Variants in NAV3 observed in about 807,000 individuals in gnomAD.
NAV3 encodes the protein neuron navigator 3.
In NAV3, 87 loss-of-function variants were observed where a neutral mutation model predicts 244.7. That is an observed-to-expected ratio of 0.36 (90% CI 0.30 to 0.42). The LOEUF (loss-of-function observed/expected upper bound fraction) is 0.42. NAV3 is among the 20% of genes least tolerant of loss of function. The pLI is 1.00. For synonymous variants in NAV3, 1,126 were observed against 1,042.2 expected, an observed-to-expected ratio of 1.08 and a Z score of -1.55; for missense variants, 2,663 against 2,893.3, an observed-to-expected ratio of 0.92 and a Z score of 1.83.
intron 12 of NAV3, among the ~76,000 whole-genome samples, chr12:78,072,095 A>T (rs1261361478): frequency 2.6e-5 from 4 of 152,064 alleles, no homozygotes; most frequent in African/African-American, 9.7e-5. Context: ...AAAGATCCAA[A>T]ATTGACACCC....
rs1012218305 is a variant in NAV3 at position 78,188,489 on chromosome 12, T to A, written c.5887-120T>A. On this transcript the variant is annotated intron_variant, in intron 32 of 39. Coordinates refer to ENST00000397909, the MANE Select transcript of NAV3 (RefSeq NM_001024383.2). ...GTTTGTGCTATTTGATATTAACAGT[T>A]CTTATATTACCCATTTCTAATATTC... 8.5e-6 allele frequency: 10 copies of A among 1,182,438 alleles called. No homozygotes were observed. In the African/African-American group the frequency reaches 1.4e-4, roughly 16 times the overall value. The allele number at this position is 1,182,438 out of a possible 1,614,324, so 73.2% of individuals were successfully genotyped here. A position where few individuals can be genotyped will look rare whatever the true frequency, so the allele number is the denominator to read the frequency against.
chr12:78,155,756 TTA>T (rs1465533795), intron 22 of NAV3, among the ~76,000 whole-genome samples: 1 of 151,966 alleles, frequency 6.6e-6, no homozygotes, highest in Admixed American at 6.6e-5. Context: ...ACCCTTTTTT[TTA>T]TATGTTTGTT....
At chr12:77,657,270 G>A (rs1320366018) in intron 2 of NAV3, among the ~76,000 whole-genome samples, 4 of 152,004 alleles carry the variant, frequency 2.6e-5, no homozygotes. Context: ...AATGCTAAAG[G>A]GGATATCACC....
At chr12:77,758,140 A>T (rs1869276304) in intron 2 of NAV3, among the ~76,000 whole-genome samples, 1 of 152,104 alleles carries the variant, frequency 6.6e-6, no homozygotes. Context: ...TATTCTGAAT[A>T]AATTGCATTT....
intron 2 of NAV3, among the ~76,000 whole-genome samples, chr12:77,623,581 A>C (rs908694209): frequency 1.3e-5 from 2 of 152,212 alleles, no homozygotes; most frequent in African/African-American, 4.8e-5. Context: ...TAGAGATAAA[A>C]AAATATTCAC....
intron 12 of NAV3, among the ~76,000 whole-genome samples, chr12:78,078,463 T>G (rs1280390887): frequency 6.2e-5 from 8 of 129,978 alleles, no homozygotes; most frequent in African/African-American, 2.3e-4. Flanking sequence ...TGGCGGGATC[T>G]CGGCTCACCG....
intron 2 of NAV3, among the ~76,000 whole-genome samples, chr12:77,596,786 T>G (rs142614029): frequency 6.6e-6 from 1 of 152,090 alleles, no homozygotes; most frequent in African/African-American, 2.4e-5. Context: ...CTTGGGTGAC[T>G]TTTTGCGGGA....
At chr12:77,646,492 A>G (rs1872610643) in intron 2 of NAV3, among the ~76,000 whole-genome samples, 2 of 151,990 alleles carry the variant, frequency 1.3e-5, no homozygotes. Flanking sequence ...CTTAAACCCA[A>G]ATCTCCTGCA....
At chr12:77,810,930 G>A (rs920175734) in intron 2 of NAV3, among the ~76,000 whole-genome samples, 4 of 152,070 alleles carry the variant, frequency 2.6e-5, no homozygotes, top group East Asian at 1.9e-4. Context: ...GTAGGGTGAC[G>A]AAAGCAAAAG....
chr12:77,753,041 T>C lies in NAV3; in HGVS notation c.72+180775T>C, dbSNP rs559144972. Among the ~76,000 whole-genome samples, 8 of 152,348 alleles carry C rather than the reference T, an allele frequency of 5.3e-5. No individual in the cohort carries two copies. In the East Asian group the frequency reaches 1.5e-3, roughly 29 times the overall value. Reference sequence around the variant, plus strand: ...TGAAGGTGCTACTAAACCTCTAAGCTGTGAAACTTCAGTCATATTTTATGA... The same window carrying C: ...TGAAGGTGCTACTAAACCTCTAAGCCGTGAAACTTCAGTCATATTTTATGA... On this transcript the variant is annotated intron_variant, in intron 2 of 8. Transcript: ENST00000550042.
intron 17 of NAV3, among the ~76,000 whole-genome samples, chr12:78,128,352 G>A (rs1264718296): frequency 6.6e-6 from 1 of 150,504 alleles, no homozygotes; most frequent in Non-Finnish European, 1.5e-5. Flanking sequence ...CTTGGCCCTG[G>A]CCCGCCACTG....
chr12:77,939,643 G>A (rs965027169), intron 1 of NAV3, among the ~76,000 whole-genome samples: 3 of 152,116 alleles, frequency 2.0e-5, no homozygotes, highest in African/African-American at 7.2e-5. Flanking sequence ...ATGATCTGCT[G>A]TTGAAGAGAC....
intron 12 of NAV3, among the ~76,000 whole-genome samples, chr12:78,091,116 C>T (rs1953909541): frequency 1.3e-5 from 2 of 151,992 alleles, no homozygotes; most frequent in South Asian, 4.1e-4. Context: ...TTGAAATAGA[C>T]CTGATTGCTA....
chr12:78,204,730 T>G (rs963937828), intron 38 of NAV3, among the ~76,000 whole-genome samples: 1 of 152,134 alleles, frequency 6.6e-6, no homozygotes. Context: ...ATATTCAGCT[T>G]CATTTTGTCT....
intron 2 of NAV3, among the ~76,000 whole-genome samples, chr12:77,784,809 AG>A (rs1870829312): frequency 6.6e-6 from 1 of 152,202 alleles, no homozygotes; most frequent in East Asian, 1.9e-4. Flanking sequence ...CACAGAAAGC[AG>A]GTAGTTATCT....
intron 2 of NAV3, among the ~76,000 whole-genome samples, chr12:77,701,082 G>A (rs753601824): frequency 1.3e-5 from 2 of 151,756 alleles, no homozygotes; most frequent in African/African-American, 2.4e-5. Flanking sequence ...TAAATGAGTT[G>A]GGAGTATTTC....
chr12:77,873,675 A>ATGTG (rs540075634), intron 1 of NAV3, among the ~76,000 whole-genome samples: 736 of 68,528 alleles, frequency 0.011, 16 homozygotes, highest in African/African-American at 0.024. Context: ...CATGATTTGT[A>ATGTG]TGTGTATATA....
At chr12:77,949,978 C>T (rs1016069427) in intron 3 of NAV3, among the ~76,000 whole-genome samples, 12 of 152,070 alleles carry the variant, frequency 7.9e-5, no homozygotes, top group African/African-American at 2.7e-4. Flanking sequence ...TCTTACATGT[C>T]TTTTCATGGC....
At chr12:77,881,372 T>C (rs1882624657) in intron 1 of NAV3, among the ~76,000 whole-genome samples, 2 of 152,136 alleles carry the variant, frequency 1.3e-5, no homozygotes, top group Admixed American at 1.3e-4. Context: ...GCTGAACTTT[T>C]CCTTGAACTG....
Sources: allele counts gnomAD v4.1 joint callset (sites outside exome capture counted in the v4.1 genomes callset), GRCh38; gene constraint gnomAD v4.1.1; transcripts MANE v1.5; gene names NCBI Gene and HGNC (gene_info 2026-07-23, HGNC 2026-07-21).